ERC1: variants seen among roughly 807,000 people sequenced by gnomAD.
ERC1 encodes ELKS/RAB6-interacting/CAST family member 1.
A neutral mutation model predicts 132.0 loss-of-function variants in ERC1; 56 were observed. The observed-to-expected ratio is 0.42, with a 90% CI of 0.34 to 0.53. The LOEUF is 0.53. ERC1 is among the 20% of genes least tolerant of loss of function. The pLI, the probability that ERC1 is intolerant of heterozygous loss-of-function variation, is 0.03. For synonymous variants in ERC1, 478 were observed against 476.1 expected (o/e 1.00, Z -0.05); for missense variants, 1,202 against 1,349.9 (o/e 0.89, Z 1.72).
intron 12 of ERC1, among the ~76,000 whole-genome samples, chr12:1,210,837 A>G (rs1957796621): frequency 6.6e-6 from 1 of 152,122 alleles, no homozygotes; most frequent in Non-Finnish European, 1.5e-5. Context: ...CTACTAAAAA[A>G]TACAAAAATT....
intron 12 of ERC1, among the ~76,000 whole-genome samples, chr12:1,229,113 GAAATCAGCTATGA>G (rs920535196): frequency 2.0e-4 from 30 of 152,300 alleles, no homozygotes; most frequent in African/African-American, 7.0e-4. Flanking sequence ...GTGTTTGGTG[GAAATCAGCTATGA>G]AGCCATCTGG....
intron 18 of ERC1, among the ~76,000 whole-genome samples, chr12:1,478,165 C>T (rs868744848): frequency 2.6e-5 from 4 of 152,156 alleles, no homozygotes; most frequent in Non-Finnish European, 4.4e-5. Flanking sequence ...ACACTCCCAC[C>T]GGGAGTGTAG....
At chr12:1,036,229 A>C (rs975005311) in intron 2 of ERC1, among the ~76,000 whole-genome samples, 11 of 151,722 alleles carry the variant, frequency 7.3e-5, no homozygotes, top group African/African-American at 2.7e-4. Flanking sequence ...CTAGTTCAGA[A>C]CTGCAAAAAG....
intron 12 of ERC1, among the ~76,000 whole-genome samples, chr12:1,214,266 ACTAGTT>A (rs1441205351): frequency 1.3e-5 from 2 of 152,212 alleles, no homozygotes. Flanking sequence ...GAGTTTGAGT[ACTAGTT>A]CTAGGATGTT....
intron 18 of ERC1, 85 bp from the exon 19 acceptor site, chr12:1,490,008 T>C (rs1015078935): frequency 6.8e-7 from 1 of 1,461,156 alleles, no homozygotes; most frequent in Admixed American, 1.8e-5. Context: ...CAGAGTGCCT[T>C]TGTCATTTAT....
intron 2 of ERC1, among the ~76,000 whole-genome samples, chr12:1,075,642 G>T (rs1290306673): frequency 6.6e-6 from 1 of 151,958 alleles, no homozygotes. Flanking sequence ...AGTGAGCTGA[G>T]ATTGTGCCAT....
At chr12:1,437,192 T>A (rs1186288629) in intron 17 of ERC1, among the ~76,000 whole-genome samples, 2 of 152,170 alleles carry the variant, frequency 1.3e-5, no homozygotes, top group African/African-American at 4.8e-5. Flanking sequence ...TTTCTTGACT[T>A]CTTGATTCTG....
chr12:1,305,689 T>C (rs1003353958), intron 15 of ERC1, among the ~76,000 whole-genome samples: 2 of 152,224 alleles, frequency 1.3e-5, no homozygotes, highest in Non-Finnish European at 2.9e-5. Context: ...ACAATATTTA[T>C]CACAAGTACA....
intron 17 of ERC1, among the ~76,000 whole-genome samples, chr12:1,414,345 A>G (rs1294809451): frequency 6.6e-6 from 1 of 152,206 alleles, no homozygotes; most frequent in African/African-American, 2.4e-5. Context: ...GTGTCTTCAC[A>G]GGGCTGAGAG....
intron 18 of ERC1, among the ~76,000 whole-genome samples, chr12:1,484,292 A>C (rs553566376): frequency 6.6e-6 from 1 of 151,588 alleles, no homozygotes; most frequent in South Asian, 2.1e-4. Context: ...TGACAGAGCG[A>C]GACTCCGTCT....
intron 13 of ERC1, among the ~76,000 whole-genome samples, chr12:1,242,520 A>G: frequency 6.6e-6 from 1 of 152,240 alleles, no homozygotes; most frequent in East Asian, 1.9e-4. Context: ...TTCAAGCCAT[A>G]AAAAGATGAA....
At position 1,335,827 on chromosome 12, in the gene ERC1, A is replaced by G. The variant is rs150519441; in HGVS notation, c.2781-36006A>G. Among the ~76,000 whole-genome samples, 443 of 152,266 alleles carry G rather than the reference A, an allele frequency of 2.9e-3. 1 individual carries two copies. Among genetic ancestry groups the G allele is most frequent in the African/African-American group, 9.6e-3 (398 of 41,560 alleles). ...ACCAGCCCTTCTTTGTACATCTGGT[A>G]GAATTTAGCTGTGACTCTATCTGGT... On this transcript the variant is annotated intron_variant, in intron 15 of 18. Transcript: ENST00000360905.
intron 15 of ERC1, among the ~76,000 whole-genome samples, chr12:1,358,485 G>A (rs1754041264): frequency 6.6e-6 from 1 of 152,092 alleles, no homozygotes; most frequent in Admixed American, 6.5e-5. Flanking sequence ...GGAATCAGAG[G>A]TATGTAATAC....
intron 15 of ERC1, among the ~76,000 whole-genome samples, chr12:1,293,501 C>T (rs141627635): frequency 0.03 from 3,520 of 119,278 alleles, 163 homozygotes; most frequent in African/African-American, 0.1. Context: ...TGGTGGCGTG[C>T]GCCTGTAATC....
intron 1 of ERC1, among the ~76,000 whole-genome samples, chr12:1,024,525 A>T (rs1966805435): frequency 6.6e-6 from 1 of 152,192 alleles, no homozygotes; most frequent in South Asian, 2.1e-4. Context: ...TACTGTCTTT[A>T]GAATCTCATT....
intron 15 of ERC1, among the ~76,000 whole-genome samples, chr12:1,320,342 T>A (rs74057125): frequency 0.019 from 2,936 of 152,306 alleles, 102 homozygotes; most frequent in African/African-American, 0.068. Flanking sequence ...TATGAAAGTG[T>A]GCATCTCCTT....
chr12:1,199,869 A>G (rs191492540), intron 12 of ERC1, among the ~76,000 whole-genome samples: 1 of 152,268 alleles, frequency 6.6e-6, no homozygotes, highest in African/African-American at 2.4e-5. Flanking sequence ...ATTAAAAACA[A>G]AAATCAACAA....
chr12:1,435,601 C>T (rs1055679416), intron 17 of ERC1, among the ~76,000 whole-genome samples: 1 of 152,082 alleles, frequency 6.6e-6, no homozygotes, highest in African/African-American at 2.4e-5. Context: ...AGTTCTTGGG[C>T]CACTATTTTC....
At chr12:1,202,769 T>C (rs1192780825) in intron 12 of ERC1, among the ~76,000 whole-genome samples, 1 of 152,220 alleles carries the variant, frequency 6.6e-6, no homozygotes, top group Non-Finnish European at 1.5e-5. Context: ...CAGGAATGCA[T>C]TCCATTTTTT....
Sources: allele counts gnomAD v4.1 joint callset (sites outside exome capture counted in the v4.1 genomes callset), GRCh38; gene constraint gnomAD v4.1.1; transcripts MANE v1.5; gene names NCBI Gene and HGNC (gene_info 2026-07-23, HGNC 2026-07-21).